Variants in LRPPRC observed in about 807,000 individuals in gnomAD.
LRPPRC encodes leucine-rich PPR motif-containing protein, mitochondrial.
Under a neutral mutation model 180.3 loss-of-function variants are expected in LRPPRC, and 120 were observed. That is an observed-to-expected ratio of 0.67 (90% CI 0.57 to 0.77). The LOEUF is 0.77. LRPPRC is among the 30% of genes least tolerant of loss of function. LRPPRC has a pLI of 0.00. For missense variants in LRPPRC, 2,012 were observed against 1,657.2 expected, an observed-to-expected ratio of 1.21 and a Z score of -3.72; for synonymous variants, 723 against 600.0, an observed-to-expected ratio of 1.21 and a Z score of -3.00.
chr2:43,946,950 G>T (rs1396451768), intron 20 of LRPPRC, among the ~76,000 whole-genome samples: 1 of 152,034 alleles, frequency 6.6e-6, no homozygotes, highest in Non-Finnish European at 1.5e-5. Context: ...GCGTGTATCA[G>T]TTGCTTGACA....
rs17424482 is a variant in LRPPRC, at chr2:43,912,335, A to G, written c.3275+97T>C. 0.097 allele frequency: 108,942 copies of G among 1,128,698 alleles called. 5,945 individuals are homozygous for G. The highest frequency in any genetic ancestry group is 0.15 in the South Asian group (11,393 of 76,228). The allele number at this position is 1,128,698 out of a possible 1,614,324, so 69.9% of individuals were successfully genotyped here. ...TATGGGTAGCTGAGGCCAATCAAGC[A>G]ATTTTACTACACAGCACATTACTAT... On this transcript the variant is annotated intron_variant, in intron 30 of 37. Coordinates refer to ENST00000260665, the MANE Select transcript of LRPPRC (RefSeq NM_133259.4).
At chr2:43,987,641 T>C (rs902980604) in intron 1 of LRPPRC, among the ~76,000 whole-genome samples, 1 of 152,136 alleles carries the variant, frequency 6.6e-6, no homozygotes, top group African/African-American at 2.4e-5. Flanking sequence ...TTACATCCCA[T>C]CTAGTGAGTG....
chr2:43,992,970 C>T lies in LRPPRC; in HGVS notation c.149+2829G>A, dbSNP rs115918456. ...AGAGAATGAAAATGTTGAGAAAACA[C>T]AGAAGGACCACGAGTAAAACTACCA... On this transcript the variant is annotated intron_variant, in intron 1 of 37. Transcript: ENST00000260665. Among the ~76,000 whole-genome samples, 903 of 152,188 alleles carry T rather than the reference C, an allele frequency of 5.9e-3. 9 individuals carry two copies. Among genetic ancestry groups the T allele is most frequent in the African/African-American group, 0.021 (859 of 41,516 alleles).
chr2:43,896,484 A>C, intron 35 of LRPPRC, 150 bp downstream of exon 35: 1 of 630,114 alleles, frequency 1.6e-6, no homozygotes, highest in East Asian at 2.9e-5. Flanking sequence ...CAGACGACAA[A>C]ACTGACTCTA....
intron 14 of LRPPRC, 116 bp downstream of exon 14, chr2:43,957,269 A>C: frequency 1.3e-6 from 1 of 790,468 alleles, no homozygotes; most frequent in Non-Finnish European, 2.2e-6. Context: ...ATTTCAGGTA[A>C]ACTGAATGTA....
At chr2:43,925,242 A>C in intron 26 of LRPPRC, 85 bp from the exon 27 acceptor site, 2 of 820,478 alleles carry the variant, frequency 2.4e-6, no homozygotes, top group Non-Finnish European at 4.3e-6. Flanking sequence ...TAATCTTTCA[A>C]ATTAGCTTTA....
rs778786731 is a variant in LRPPRC at position 43,934,306 on chromosome 2, A to C, written c.2630-10T>G. 2.9e-6 allele frequency: 4 copies of C among 1,363,786 alleles called. No individual in the cohort carries two copies. The highest frequency in any genetic ancestry group is 4.2e-6 in the Non-Finnish European group (4 of 954,340). The allele number at this position is 1,363,786 out of a possible 1,614,324, so 84.5% of individuals were successfully genotyped here. A position where few individuals can be genotyped will look rare whatever the true frequency, so the allele number is the denominator to read the frequency against. The stretch of plus-strand genomic sequence containing the variant: ...CTCACAAAGTCCATTGCTAGGTAGG[A>C]GAGAAAAAAATATATATATTAGGAG... On this transcript the variant is annotated splice_polypyrimidine_tract_variant and intron_variant, in intron 24 of 37. Coordinates refer to ENST00000260665, the MANE Select transcript of LRPPRC (RefSeq NM_133259.4).
At chr2:43,963,046 T>C (rs986524056) in intron 12 of LRPPRC, among the ~76,000 whole-genome samples, 8 of 152,252 alleles carry the variant, frequency 5.3e-5, no homozygotes, top group Non-Finnish European at 8.8e-5. Context: ...TATTGGCATA[T>C]TGTCTTTTTA....
intron 27 of LRPPRC, among the ~76,000 whole-genome samples, chr2:43,923,001 T>C (rs980577907): frequency 6.6e-6 from 1 of 152,098 alleles, no homozygotes; most frequent in Non-Finnish European, 1.5e-5. Flanking sequence ...AACCACACTC[T>C]GCCAACCTCC....
intron 12 of LRPPRC, 33 bp downstream of exon 12, chr2:43,963,555 C>T (rs1207715880): frequency 8.0e-7 from 1 of 1,243,336 alleles, no homozygotes; most frequent in Non-Finnish European, 1.2e-6. Flanking sequence ...ATATCCTCTT[C>T]AATTATTAAA....
intron 23 of LRPPRC, among the ~76,000 whole-genome samples, chr2:43,937,852 G>A (rs1205259034): frequency 6.6e-6 from 1 of 152,036 alleles, no homozygotes; most frequent in African/African-American, 2.4e-5. Flanking sequence ...AAAGGAGAAA[G>A]GTAAAAATTG....
intron 1 of LRPPRC, among the ~76,000 whole-genome samples, chr2:43,990,268 C>T (rs1674716256): frequency 6.6e-6 from 1 of 152,084 alleles, no homozygotes. Context: ...CCATTGTTTA[C>T]CCTAATCCCC....
At chr2:43,931,508 G>A (rs1009275336) in intron 25 of LRPPRC, among the ~76,000 whole-genome samples, 6 of 152,090 alleles carry the variant, frequency 3.9e-5, no homozygotes, top group African/African-American at 1.4e-4. Flanking sequence ...GCTGCCTCAG[G>A]GCCCTCACAC....
chr2:43,949,686 G>A (rs768515870), intron 15 of LRPPRC, 27 bp from the exon 16 acceptor site: 2 of 1,512,338 alleles, frequency 1.3e-6, no homozygotes, highest in South Asian at 1.1e-5. Flanking sequence ...TTCGTGCATT[G>A]CAGCAAGAGA....
chr2:43,917,331 G>A (rs1407703631), intron 29 of LRPPRC, among the ~76,000 whole-genome samples: 6 of 151,796 alleles, frequency 4.0e-5, no homozygotes, highest in Non-Finnish European at 5.9e-5. Flanking sequence ...TTACAGGTGT[G>A]AGCCACAATG....
intron 13 of LRPPRC, 25 bp from the exon 14 acceptor site, chr2:43,957,476 A>T: frequency 1.3e-6 from 2 of 1,566,882 alleles, no homozygotes; most frequent in South Asian, 2.2e-5. Context: ...GACCATCATT[A>T]AATCTCAGAC....
Position 43,946,162 on chromosome 2 carries a change from A to G in LRPPRC, c.2161T>C (p.Cys721Arg), listed in dbSNP as rs1672674286. 1.2e-6 allele frequency: 2 copies of G among 1,611,628 alleles called. No homozygotes were observed. The highest frequency in any genetic ancestry group is 1.7e-6 in the Non-Finnish European group (2 of 1,177,880). The change falls in exon 21 of 38, where the codon TGC becomes CGC. Residue 721 changes from cysteine to arginine, a missense_variant. Cys to Arg is a radical substitution (Grantham distance 180). Transcript: ENST00000260665. The stretch of plus-strand genomic sequence containing the variant: ...TCTTCTACTTTATCATGTCGACAGC[A>G]TAAATTTATTAAAGCTGCATAGCCA... ...TGGYAALINLCCRHDKVEDAL... is the reference protein window; with the variant it reads ...TGGYAALINLRCRHDKVEDAL...
intron 11 of LRPPRC, among the ~76,000 whole-genome samples, chr2:43,964,520 CCT>C (rs921175595): frequency 2.4e-4 from 37 of 152,010 alleles, no homozygotes; most frequent in African/African-American, 8.0e-4. Flanking sequence ...CCTAAAAGTC[CCT>C]GTTTCTGGCC....
intron 25 of LRPPRC, among the ~76,000 whole-genome samples, chr2:43,926,300 T>C (rs1479564936): frequency 2.0e-5 from 3 of 152,204 alleles, no homozygotes; most frequent in African/African-American, 7.2e-5. Flanking sequence ...ATTAATAAAA[T>C]GGTTATACTG....
Sources: gnomAD v4.1 joint callset for allele counts (sites outside exome capture counted in the v4.1 genomes callset) on GRCh38, gnomAD v4.1.1 for gene constraint, MANE v1.5 for transcripts, NCBI Gene and HGNC (gene_info 2026-07-23, HGNC 2026-07-21) for gene names.